The following ALPL variants were observed in gnomAD, a reference collection of about 807,000 sequenced individuals.
ALPL encodes alkaline phosphatase, biomineralization associated.
In ALPL, 42 loss-of-function variants were observed where a neutral mutation model predicts 51.3. That is an observed-to-expected ratio of 0.82 (90% CI 0.64 to 1.06). ALPL has a LOEUF of 1.06. Ranked by LOEUF, ALPL falls within the 50% of genes least tolerant of loss-of-function variation. The pLI, the probability that ALPL is intolerant of heterozygous loss-of-function variation, is 0.00. For missense variants in ALPL, 589 were observed against 709.4 expected (o/e 0.83, Z 1.93); for synonymous variants, 279 against 296.4 (o/e 0.94, Z 0.60).
chr1:21,527,842 C>T (rs1643969106), intron 1 of ALPL, among the ~76,000 whole-genome samples: 1 of 152,100 alleles, frequency 6.6e-6, no homozygotes, highest in Non-Finnish European at 1.5e-5. Context: ...GACCACCACG[C>T]CCGGCCAGCC....
At chr1:21,517,187 C>T (rs978797909) in intron 1 of ALPL, among the ~76,000 whole-genome samples, 1 of 152,174 alleles carries the variant, frequency 6.6e-6, no homozygotes, top group Non-Finnish European at 1.5e-5. Flanking sequence ...AGAAAAAAAT[C>T]TTAAGTGTAA....
intron 1 of ALPL, among the ~76,000 whole-genome samples, chr1:21,541,138 G>A (rs912575973): frequency 6.6e-6 from 1 of 152,106 alleles, no homozygotes; most frequent in African/African-American, 2.4e-5. Context: ...GGGCGGGGAA[G>A]GGTCCATCCG....
At chr1:21,528,474 A>G (rs1643982857) in intron 1 of ALPL, among the ~76,000 whole-genome samples, 1 of 151,120 alleles carries the variant, frequency 6.6e-6, no homozygotes. Flanking sequence ...CAGCCTCCCA[A>G]GTAGCTGGGA....
At chr1:21,525,004 C>G (rs373586909) in intron 1 of ALPL, among the ~76,000 whole-genome samples, 25 of 152,210 alleles carry the variant, frequency 1.6e-4, no homozygotes, top group African/African-American at 5.3e-4. Flanking sequence ...GCTCTGGCCT[C>G]GAGCCTGACC....
At chr1:21,560,593 C>T (rs1644468628) in intron 2 of ALPL, 33 bp from the exon 3 acceptor site, 1 of 1,613,082 alleles carries the variant, frequency 6.2e-7, no homozygotes. Flanking sequence ...GCTATCCTTA[C>T]CCCGCCAAGT....
Position 21,577,834 on chromosome 1 carries a change from C to G in ALPL, c.*186C>G. On this transcript the variant is annotated 3_prime_UTR_variant, in exon 12 of 12. Transcript: ENST00000374840. ...TGGAATCTTCCCCAAGGGCCAAACC[C>G]ACTTCTGGCCTCCAGCCTTTGCTCC... 1 of 764,440 alleles carries G rather than the reference C, an allele frequency of 1.3e-6. No individual in the cohort carries two copies. The highest frequency in any genetic ancestry group is 2.9e-5 in the Admixed American group (1 of 34,454). 47.4% of individuals were successfully genotyped at this position (764,440 alleles called of 1,614,324 possible). A position where few individuals can be genotyped will look rare whatever the true frequency, so the allele number is the denominator to read the frequency against.
At chr1:21,548,676 C>T (rs1276252850) in intron 1 of ALPL, among the ~76,000 whole-genome samples, 2 of 152,256 alleles carry the variant, frequency 1.3e-5, no homozygotes, top group African/African-American at 2.4e-5. Flanking sequence ...GAGTGGGATA[C>T]GTTATCTCAC....
At position 21,575,613 on chromosome 1, in the gene ALPL, G is replaced by A. The variant is rs531086435; in HGVS notation, c.998-120G>A. On this transcript the variant is annotated intron_variant, in intron 9 of 11. Transcript: ENST00000374840. The stretch of plus-strand genomic sequence containing the variant: ...GTGGTGCTAGCTCAGAGTGGTGCCC[G>A]GCGAAGGTTCCTGTCCTTCCCTAGC... The A allele has an allele frequency of 6.7e-5, 82 of 1,228,974 alleles. 1 individual carries two copies. The highest frequency in any genetic ancestry group is 4.8e-4 in the South Asian group (39 of 80,528). The allele number at this position is 1,228,974 out of a possible 1,614,324, so 76.1% of individuals were successfully genotyped here. A position where few individuals can be genotyped will look rare whatever the true frequency, so the allele number is the denominator to read the frequency against.
At chr1:21,516,215 C>T (rs933395502) in intron 1 of ALPL, among the ~76,000 whole-genome samples, 4 of 152,104 alleles carry the variant, frequency 2.6e-5, no homozygotes, top group Non-Finnish European at 5.9e-5. Flanking sequence ...CCCCCTCCAC[C>T]TGTCTCCACC....
At chr1:21,544,023 G>T (rs899190989) in intron 1 of ALPL, among the ~76,000 whole-genome samples, 2 of 152,188 alleles carry the variant, frequency 1.3e-5, no homozygotes, top group African/African-American at 4.8e-5. Context: ...CCACATGGAG[G>T]CCTGTGCAGG....
intron 1 of ALPL, among the ~76,000 whole-genome samples, chr1:21,551,953 C>G (rs1644330759): frequency 6.6e-6 from 1 of 150,642 alleles, no homozygotes; most frequent in South Asian, 2.1e-4. Flanking sequence ...TCTCGATCTC[C>G]TGACTTCGTG....
intron 1 of ALPL, among the ~76,000 whole-genome samples, chr1:21,513,464 C>T (rs973973481): frequency 5.3e-5 from 8 of 151,566 alleles, no homozygotes; most frequent in Non-Finnish European, 8.8e-5. Context: ...GAGCTGAAGT[C>T]CTTGAATACC....
At chr1:21,520,611 G>C (rs1643873810) in intron 1 of ALPL, among the ~76,000 whole-genome samples, 1 of 151,888 alleles carries the variant, frequency 6.6e-6, no homozygotes, top group South Asian at 2.1e-4. Context: ...ACAGGGGTGT[G>C]CCACCACGCC....
intron 1 of ALPL, among the ~76,000 whole-genome samples, chr1:21,541,325 C>T (rs2148112475): frequency 6.6e-6 from 1 of 152,358 alleles, no homozygotes; most frequent in Middle Eastern, 3.4e-3. Flanking sequence ...TACAACAACG[C>T]AGTGGCTTCT....
intron 1 of ALPL, among the ~76,000 whole-genome samples, chr1:21,513,589 G>A (rs778341526): frequency 7.2e-5 from 11 of 152,052 alleles, no homozygotes; most frequent in Non-Finnish European, 1.3e-4. Context: ...ACTTGGAATG[G>A]GTCTAATGTA....
chr1:21,575,831 ACCT>A lies in ALPL; in HGVS notation c.1101_1103del (p.Ser368del), dbSNP rs1558557341. The A allele has an allele frequency of 3.1e-6, 5 of 1,613,608 alleles. No homozygotes were observed. Among genetic ancestry groups the A allele is most frequent in the East Asian group, 4.5e-5 (2 of 44,836 alleles). On this transcript the variant is annotated inframe_deletion, in exon 10 of 12. Transcript: ENST00000374840. ...GGCCATCGGGCAGGCAGGCAGCTTG[ACCT>A]CCTCGGAAGACACTCTGACCGTGGT...
chr1:21,577,971 C>T lies in ALPL; in HGVS notation c.*323C>T. On this transcript the variant is annotated 3_prime_UTR_variant, in exon 12 of 12. Coordinates refer to ENST00000374840, the MANE Select transcript of ALPL (RefSeq NM_000478.6). ...TTTCTAGCGAACGTATTTCTCCAGA[C>T]CCAGAGGCCCTGAAGCCTCCGTGGA... 2.2e-6 allele frequency: 1 copy of T among 464,230 alleles called. No individual in the cohort carries two copies. The highest frequency in any genetic ancestry group is 2.7e-5 in the South Asian group (1 of 36,410). The allele number at this position is 464,230 out of a possible 1,614,324, so 28.8% of individuals were successfully genotyped here.
At chr1:21,560,783 C>T in intron 3 of ALPL, 38 bp downstream of exon 3, 1 of 1,613,380 alleles carries the variant, frequency 6.2e-7, no homozygotes. Context: ...TGGAACAGGA[C>T]ACCTAGCTAG....
chr1:21,557,735 CT>C (rs1173245137), intron 2 of ALPL, among the ~76,000 whole-genome samples: 1 of 152,076 alleles, frequency 6.6e-6, no homozygotes, highest in South Asian at 2.1e-4. Context: ...CTTCAGCCTT[CT>C]TTTTTTTCTT....
Sources: gnomAD v4.1 joint callset for allele counts (sites outside exome capture counted in the v4.1 genomes callset) on GRCh38, gnomAD v4.1.1 for gene constraint, MANE v1.5 for transcripts, NCBI Gene and HGNC (gene_info 2026-07-23, HGNC 2026-07-21) for gene names.